PTPRD: variants seen among roughly 807,000 people sequenced by gnomAD.
PTPRD encodes protein tyrosine phosphatase receptor type D.
PTPRD carries 34 observed loss-of-function variants against 214.5 expected under a neutral mutation model. That is an observed-to-expected ratio of 0.16 (90% CI 0.12 to 0.21). PTPRD has a LOEUF of 0.21. Among genes scored for constraint, PTPRD ranks in the 10% least tolerant of loss-of-function variants. The pLI is 1.00. For missense variants in PTPRD, 2,545 were observed against 2,398.7 expected (o/e 1.06, Z -1.27); for synonymous variants, 1,128 against 845.7 (o/e 1.33, Z -5.79).
intron 2 of PTPRD, among the ~76,000 whole-genome samples, chr9:10,380,197 A>G: frequency 6.6e-6 from 1 of 152,122 alleles, no homozygotes; most frequent in East Asian, 1.9e-4. Context: ...AAAAAGAAAC[A>G]CATAGAGATG....
intron 3 of PTPRD, among the ~76,000 whole-genome samples, chr9:10,175,296 A>G (rs1383968902): frequency 6.6e-6 from 1 of 152,080 alleles, no homozygotes; most frequent in East Asian, 1.9e-4. Context: ...GAAAGAAAAT[A>G]TGAGGATTAG....
chr9:8,589,345 A>G (rs1264933371), intron 14 of PTPRD, among the ~76,000 whole-genome samples: 2 of 152,152 alleles, frequency 1.3e-5, no homozygotes, highest in Non-Finnish European at 2.9e-5. Context: ...GTAGCAAAAT[A>G]CTCTAGATAT....
chr9:8,363,447 A>G (rs1008140628), intron 39 of PTPRD, among the ~76,000 whole-genome samples: 2 of 152,166 alleles, frequency 1.3e-5, no homozygotes, highest in African/African-American at 4.8e-5. Flanking sequence ...AGGAAAAAGC[A>G]AATCAACCAG....
chr9:9,277,664 A>C (rs1308314631), intron 9 of PTPRD, among the ~76,000 whole-genome samples: 1 of 151,308 alleles, frequency 6.6e-6, no homozygotes, highest in East Asian at 2.0e-4. Context: ...GTAGTAATGA[A>C]AGTTTCCCAT....
intron 3 of PTPRD, among the ~76,000 whole-genome samples, chr9:10,253,130 C>T (rs192847633): frequency 7.2e-5 from 11 of 152,172 alleles, no homozygotes; most frequent in African/African-American, 2.6e-4. Flanking sequence ...TTTAAGGATA[C>T]AGAGCTTCAC....
intron 2 of PTPRD, among the ~76,000 whole-genome samples, chr9:10,591,738 G>T (rs890794983): frequency 1.3e-5 from 2 of 151,774 alleles, no homozygotes; most frequent in Non-Finnish European, 2.9e-5. Flanking sequence ...TGTGTGGACT[G>T]TGCTTAGTGA....
At chr9:9,030,006 T>TG (rs2099599457) in intron 10 of PTPRD, among the ~76,000 whole-genome samples, 1 of 151,898 alleles carries the variant, frequency 6.6e-6, no homozygotes, top group East Asian at 1.9e-4. Context: ...TGACATTTGA[T>TG]GGTTGAAAAT....
chr9:9,455,310 T>C (rs1199569673), intron 8 of PTPRD, among the ~76,000 whole-genome samples: 1 of 151,598 alleles, frequency 6.6e-6, no homozygotes, highest in African/African-American at 2.4e-5. Context: ...AAAATATTAA[T>C]GTACATGATA....
At chr9:10,009,860 T>C (rs1032001996) in intron 4 of PTPRD, among the ~76,000 whole-genome samples, 1 of 151,922 alleles carries the variant, frequency 6.6e-6, no homozygotes, top group African/African-American at 2.4e-5. Flanking sequence ...GGTATATTTT[T>C]GCTACAGTCT....
At chr9:9,183,868 A>G (rs867179067) in intron 9 of PTPRD, among the ~76,000 whole-genome samples, 2 of 152,034 alleles carry the variant, frequency 1.3e-5, no homozygotes, top group Non-Finnish European at 2.9e-5. Context: ...TTAGCATGGA[A>G]AATTCCATCT....
At chr9:8,480,486 T>A (rs1474624359) in intron 30 of PTPRD, among the ~76,000 whole-genome samples, 1 of 152,194 alleles carries the variant, frequency 6.6e-6, no homozygotes, top group Admixed American at 6.5e-5. Context: ...TTAACTATGC[T>A]GTATGAGAAC....
chr9:8,911,124 T>G (rs1040794733), intron 11 of PTPRD, among the ~76,000 whole-genome samples: 1 of 152,150 alleles, frequency 6.6e-6, no homozygotes, highest in Admixed American at 6.5e-5. Flanking sequence ...ATTTTAAAAT[T>G]TATATGAATT....
At chr9:8,782,256 C>T (rs1324253636) in intron 11 of PTPRD, among the ~76,000 whole-genome samples, 1 of 152,032 alleles carries the variant, frequency 6.6e-6, no homozygotes, top group African/African-American at 2.4e-5. Flanking sequence ...CTATGCCTCA[C>T]TTTTTGCGGT....
At chr9:9,541,694 G>T (rs1702341937) in intron 8 of PTPRD, among the ~76,000 whole-genome samples, 1 of 151,838 alleles carries the variant, frequency 6.6e-6, no homozygotes, top group Admixed American at 6.6e-5. Flanking sequence ...TTTACCAAGT[G>T]CATAAAGTGG....
At chr9:8,563,715 G>A (rs1016739324) in intron 14 of PTPRD, among the ~76,000 whole-genome samples, 7 of 152,100 alleles carry the variant, frequency 4.6e-5, no homozygotes, top group Non-Finnish European at 7.4e-5. Flanking sequence ...AGGCTGGAAC[G>A]CAGTGGCACA....
chr9:8,987,927 T>C (rs187862961), intron 11 of PTPRD, among the ~76,000 whole-genome samples: 1 of 152,126 alleles, frequency 6.6e-6, no homozygotes, highest in Admixed American at 6.6e-5. Flanking sequence ...TGAATGACCC[T>C]TGTAAAGAGT....
chr9:9,103,990 T>TAATA (rs1400003202), intron 10 of PTPRD, among the ~76,000 whole-genome samples: 1 of 151,928 alleles, frequency 6.6e-6, no homozygotes, highest in Non-Finnish European at 1.5e-5. Flanking sequence ...CTCAAAAAAT[T>TAATA]AATAAATAAA....
In PTPRD at chr9:8,833,681, C is replaced by T. The variant is rs2097346294; in HGVS notation, c.-103-99735G>A. Among the ~76,000 whole-genome samples the T allele has an allele frequency of 4.7e-5, 6 of 128,486 alleles. No homozygotes were observed. The South Asian group carries it at 1.5e-3, about 32-fold the overall frequency. The allele number at this position is 128,486 out of a possible 152,430, so 84.3% of individuals were successfully genotyped here. Reference sequence around the variant, plus strand: ...ACAACATTATAAAGTTGAATGAAAACTCTCTCCTCTCTCTCTCTCTATATA... The same window carrying T: ...ACAACATTATAAAGTTGAATGAAAATTCTCTCCTCTCTCTCTCTCTATATA... On this transcript the variant is annotated intron_variant, in intron 11 of 45. Transcript: ENST00000381196.
intron 2 of PTPRD, among the ~76,000 whole-genome samples, chr9:10,472,999 T>C (rs1460401550): frequency 6.6e-6 from 1 of 152,072 alleles, no homozygotes; most frequent in Non-Finnish European, 1.5e-5. Context: ...TATTTCTTAA[T>C]GTATTAAACA....
Sources: allele counts gnomAD v4.1 joint callset (sites outside exome capture counted in the v4.1 genomes callset), GRCh38; gene constraint gnomAD v4.1.1; transcripts MANE v1.5; gene names NCBI Gene and HGNC (gene_info 2026-07-23, HGNC 2026-07-21).